The following AUTS2 variants were observed in gnomAD, a reference collection of about 807,000 sequenced individuals.
The protein encoded by AUTS2 is autism susceptibility gene 2 protein.
A neutral mutation model predicts 112.4 loss-of-function variants in AUTS2; 17 were observed. The ratio of observed to expected loss-of-function variants is 0.15; its 90% confidence interval spans 0.10 to 0.23. The LOEUF (loss-of-function observed/expected upper bound fraction) is 0.23. Ranked by LOEUF, AUTS2 falls within the 10% of genes least tolerant of loss-of-function variation. AUTS2 has a pLI of 1.00. For synonymous variants in AUTS2, 751 were observed against 702.7 expected (o/e 1.07, Z -1.09); for missense variants, 1,510 against 1,701.6 (o/e 0.89, Z 1.98).
intron 4 of AUTS2, among the ~76,000 whole-genome samples, chr7:70,170,391 A>G (rs868320426): frequency 3.4e-4 from 51 of 151,898 alleles, no homozygotes; most frequent in African/African-American, 9.4e-4. Flanking sequence ...AGCTCAAGCA[A>G]TCCGCCTGCC....
intron 5 of AUTS2, among the ~76,000 whole-genome samples, chr7:70,536,320 C>A (rs1053130418): frequency 3.3e-5 from 5 of 152,076 alleles, no homozygotes; most frequent in Non-Finnish European, 7.4e-5. Context: ...AATTAAGAGT[C>A]AAAGGGCATC....
At position 70,344,803 on chromosome 7, in the gene AUTS2, CT is replaced by C. The variant is rs537783099; in HGVS notation, c.661-90948del. ...TTAGAATTACCAATACTGCTTGCAA[CT>C]CCTTCCTTACTCCAAACTCTGGGAT... On this transcript the variant is annotated intron_variant, in intron 4 of 18. Transcript: ENST00000342771. 9.1e-4 allele frequency among the ~76,000 whole-genome samples: 138 copies of C among 152,302 alleles called. 1 individual carries two copies. The highest frequency in any genetic ancestry group is 3.2e-3 in the African/African-American group (135 of 41,562).
chr7:70,720,386 A>C (rs1786561088), intron 6 of AUTS2, among the ~76,000 whole-genome samples: 1 of 152,156 alleles, frequency 6.6e-6, no homozygotes, highest in African/African-American at 2.4e-5. Flanking sequence ...CGCAGGCGTC[A>C]ATCTGTAGGG....
At chr7:70,326,722 G>A (rs1195690421) in intron 4 of AUTS2, among the ~76,000 whole-genome samples, 1 of 152,142 alleles carries the variant, frequency 6.6e-6, no homozygotes, top group Non-Finnish European at 1.5e-5. Flanking sequence ...TTTGAGTAAG[G>A]TTGGACATTT....
intron 4 of AUTS2, among the ~76,000 whole-genome samples, chr7:70,368,822 CTT>C (rs999124717): frequency 6.6e-6 from 1 of 152,146 alleles, no homozygotes; most frequent in Non-Finnish European, 1.5e-5. Context: ...AGTGGCTTCT[CTT>C]TTTCCCAATG....
At chr7:69,966,221 C>T (rs996114085) in intron 2 of AUTS2, among the ~76,000 whole-genome samples, 2 of 152,184 alleles carry the variant, frequency 1.3e-5, no homozygotes, top group Non-Finnish European at 2.9e-5. Flanking sequence ...TGTAGGTCCA[C>T]ATCTTCGATG....
intron 1 of AUTS2, among the ~76,000 whole-genome samples, chr7:69,842,211 G>A (rs1409507878): frequency 2.0e-5 from 3 of 151,960 alleles, no homozygotes; most frequent in Admixed American, 6.6e-5. Flanking sequence ...AAATATGTTG[G>A]CATCTTAATA....
chr7:70,785,882 G>C, intron 16 of AUTS2, 73 bp from the exon 17 acceptor site: 1 of 1,445,390 alleles, frequency 6.9e-7, no homozygotes, highest in Non-Finnish European at 9.7e-7. Context: ...GCATCGCCCT[G>C]CTCCCAGGAA....
chr7:70,746,365 C>G (rs909091388), intron 6 of AUTS2, among the ~76,000 whole-genome samples: 2 of 152,072 alleles, frequency 1.3e-5, no homozygotes, highest in African/African-American at 4.8e-5. Flanking sequence ...AGACTGATCT[C>G]GAACTCCGGA....
At chr7:69,721,320 T>A (rs75252424) in intron 1 of AUTS2, among the ~76,000 whole-genome samples, 7,677 of 152,262 alleles carry the variant, frequency 0.05, 220 homozygotes, top group Middle Eastern at 0.078. Context: ...TGATTCAGGT[T>A]GCTGCTAGAA....
intron 4 of AUTS2, among the ~76,000 whole-genome samples, chr7:70,325,123 G>A (rs1790426919): frequency 6.6e-6 from 1 of 152,098 alleles, no homozygotes; most frequent in Non-Finnish European, 1.5e-5. Flanking sequence ...GAGGCTGGAA[G>A]GAGTGAGGTT....
chr7:70,150,765 A>G (rs1263844996), intron 4 of AUTS2, among the ~76,000 whole-genome samples: 1 of 152,238 alleles, frequency 6.6e-6, no homozygotes, highest in Non-Finnish European at 1.5e-5. Context: ...CATGACACTC[A>G]TAGTTAATCA....
intron 2 of AUTS2, among the ~76,000 whole-genome samples, chr7:69,968,824 C>T (rs1188446579): frequency 6.6e-6 from 1 of 151,960 alleles, no homozygotes; most frequent in Non-Finnish European, 1.5e-5. Flanking sequence ...AAAGTTAGAA[C>T]ATTTTCAACT....
At chr7:69,731,646 A>G (rs1369705230) in intron 1 of AUTS2, among the ~76,000 whole-genome samples, 1 of 152,146 alleles carries the variant, frequency 6.6e-6, no homozygotes, top group Non-Finnish European at 1.5e-5. Context: ...TAAATGTTCC[A>G]TAGGCTTTTT....
intron 2 of AUTS2, among the ~76,000 whole-genome samples, chr7:70,094,974 A>G (rs1036143132): frequency 2.6e-5 from 4 of 152,144 alleles, no homozygotes; most frequent in Non-Finnish European, 4.4e-5. Context: ...AGTGGGTGCA[A>G]TGGTTTGTGT....
intron 1 of AUTS2, among the ~76,000 whole-genome samples, chr7:69,712,164 T>C (rs1000222234): frequency 6.6e-6 from 1 of 152,208 alleles, no homozygotes; most frequent in Non-Finnish European, 1.5e-5. Flanking sequence ...CTATAAACTA[T>C]TAGGATATGA....
chr7:70,191,903 A>T (rs564091679), intron 4 of AUTS2, among the ~76,000 whole-genome samples: 65 of 152,072 alleles, frequency 4.3e-4, no homozygotes, highest in Admixed American at 9.2e-4. Context: ...TCTACTAAAA[A>T]TACAAAAAAA....
intron 4 of AUTS2, among the ~76,000 whole-genome samples, chr7:70,220,807 T>C (rs1811439537): frequency 6.6e-6 from 1 of 152,224 alleles, no homozygotes; most frequent in Admixed American, 6.5e-5. Context: ...ATTCTTTCTT[T>C]CATGTCTTCT....
At chr7:70,774,136 A>G (rs1790537638) in intron 12 of AUTS2, 37 bp downstream of exon 12, 1 of 1,601,366 alleles carries the variant, frequency 6.2e-7, no homozygotes, top group Non-Finnish European at 8.6e-7. Context: ...AGGTAACACC[A>G]GGGTGTGTGT....
Sources: gnomAD v4.1 joint callset for allele counts (sites outside exome capture counted in the v4.1 genomes callset) on GRCh38, gnomAD v4.1.1 for gene constraint, MANE v1.5 for transcripts, NCBI Gene and HGNC (gene_info 2026-07-23, HGNC 2026-07-21) for gene names.